The following ERP44 variants were observed in gnomAD, a reference collection of about 807,000 sequenced individuals.
ERP44 encodes the protein endoplasmic reticulum protein 44.
In ERP44, 25 loss-of-function variants were observed where a neutral mutation model predicts 53.4. The ratio of observed to expected loss-of-function variants is 0.47; its 90% CI spans 0.34 to 0.65. The LOEUF (loss-of-function observed/expected upper bound fraction) is 0.65. Among genes scored for constraint, ERP44 ranks in the 30% least tolerant of loss-of-function variants. The pLI is 0.01. For missense variants in ERP44, 338 were observed against 493.2 expected (o/e 0.69, Z 2.98); for synonymous variants, 145 against 161.2 (o/e 0.90, Z 0.76).
At chr9:99,982,740 T>A (rs759253795) in intron 11 of ERP44, 27 bp from the exon 12 acceptor site, 40 of 1,405,690 alleles carry the variant, frequency 2.8e-5, no homozygotes, top group Non-Finnish European at 3.6e-5. Flanking sequence ...AAAACATTTT[T>A]ATACCAATAT....
In ERP44 at chr9:100,006,628, A is replaced by C; in HGVS notation, c.894T>G (p.His298Gln). 6.3e-7 allele frequency: 1 copy of C among 1,599,362 alleles called. No individual in the cohort carries two copies. Among genetic ancestry groups the C allele is most frequent in the Non-Finnish European group, 8.5e-7 (1 of 1,175,448 alleles). The stretch of plus-strand genomic sequence containing the variant: ...GATGTCTAAATTTGTCACAATCGGC[A>C]TGTAAAAAGTTTATTGTACCTTTAA... ...ISEKGTINFL[H>Q]ADCDKFRHPL... is the part of the protein sequence containing the mutation. Residue 298 changes from histidine (H) to glutamine (Q), a missense_variant, in exon 10 of 12, where the codon CAT becomes CAG. Physicochemically the swap from His to Gln is conservative, Grantham distance 24. Transcript: ENST00000262455.
At chr9:99,996,899 ATATATATACATATATATATATATG>A (rs1409552229) in intron 10 of ERP44, among the ~76,000 whole-genome samples, 1 of 19,022 alleles carries the variant, frequency 5.3e-5, no homozygotes, top group African/African-American at 6.0e-4. Context: ...GTGTATGTGT[ATATATATACATATATATATATATG>A]TATATATATA....
chr9:100,066,854 A>G (rs1190162202), intron 1 of ERP44, among the ~76,000 whole-genome samples: 1 of 152,192 alleles, frequency 6.6e-6, no homozygotes, highest in Non-Finnish European at 1.5e-5. Flanking sequence ...CAGGAACTAT[A>G]AGGGCCTTGA....
At chr9:100,073,731 A>C (rs911729766) in intron 1 of ERP44, among the ~76,000 whole-genome samples, 2 of 152,230 alleles carry the variant, frequency 1.3e-5, no homozygotes, top group Admixed American at 1.3e-4. Flanking sequence ...GTGAGACTAC[A>C]TATACTAACC....
rs1405448067 is a variant in ERP44 at position 100,011,783 on chromosome 9, A to AT, written c.763-4095dup. 2.0e-5 allele frequency among the ~76,000 whole-genome samples: 3 copies of AT among 152,334 alleles called. No homozygotes were observed. The East Asian group carries it at 5.8e-4, about 29-fold the overall frequency. ...ATAACACTGAAAAAAGCAACAGAACATTACTGAATAAAAAAATACTCTGGT... is the reference window on the plus strand; with the variant it reads ...ATAACACTGAAAAAAGCAACAGAACATTTACTGAATAAAAAAATACTCTGGT... On this transcript the variant is annotated intron_variant, in intron 8 of 11. Transcript: ENST00000262455.
rs1174626036 is a variant in ERP44 at position 99,981,547 on chromosome 9, A to C, written c.*1065T>G. 1 of 152,618 alleles carries C rather than the reference A, an allele frequency of 6.6e-6. No homozygotes were observed. Among genetic ancestry groups the C allele is most frequent in the Admixed American group, 6.5e-5 (1 of 15,280 alleles). The allele number at this position is 152,618 out of a possible 1,614,324, so 9.5% of individuals were successfully genotyped here. ...CTGGCACTGGGCTTCCTGATATGAC[A>C]CTGAGGGTCCTCTCCCTCTGGTTTT... is the stretch of plus-strand genomic sequence containing the variant. On this transcript the variant is annotated 3_prime_UTR_variant, in exon 12 of 12. Coordinates refer to ENST00000262455, the MANE Select transcript of ERP44 (RefSeq NM_015051.3).
chr9:100,064,600 TCC>T (rs1211491345), intron 1 of ERP44, among the ~76,000 whole-genome samples: 1 of 152,150 alleles, frequency 6.6e-6, no homozygotes, highest in Non-Finnish European at 1.5e-5. Context: ...AACAGTTGGT[TCC>T]CCCAGCTGTT....
At chr9:100,081,751 C>T (rs1564105509) in intron 1 of ERP44, among the ~76,000 whole-genome samples, 1 of 152,028 alleles carries the variant, frequency 6.6e-6, no homozygotes. Flanking sequence ...AAATTTAGAA[C>T]AAGACAGGAA....
At position 100,098,899 on chromosome 9, in the gene ERP44, G is replaced by A. The variant is rs1233139287; in HGVS notation, c.-59C>T. 6.8e-7 allele frequency: 1 copy of A among 1,472,044 alleles called. No individual in the cohort carries two copies. The highest frequency in any genetic ancestry group is 9.5e-7 in the Non-Finnish European group (1 of 1,053,534). 91.2% of individuals were successfully genotyped at this position (1,472,044 alleles called of 1,614,324 possible). On this transcript the variant is annotated 5_prime_UTR_variant, in exon 1 of 12. Coordinates refer to ENST00000262455, the MANE Select transcript of ERP44 (RefSeq NM_015051.3). ...TGGCGGCTGGGACTGGGCTAGGTTG[G>A]GTTGGGTTAGGAAAGGGCTGGGCTC...
chr9:100,060,265 G>T, intron 1 of ERP44, 93 bp from the exon 2 acceptor site: 1 of 1,232,120 alleles, frequency 8.1e-7, no homozygotes, highest in Non-Finnish European at 1.0e-6. Flanking sequence ...GATTCCACTT[G>T]TTCCTTAGAA....
chr9:100,034,979 C>T (rs534590649), intron 4 of ERP44, among the ~76,000 whole-genome samples: 2 of 152,264 alleles, frequency 1.3e-5, no homozygotes, highest in Non-Finnish European at 2.9e-5. Flanking sequence ...TGGAAGAAGA[C>T]TCTCTATTCA....
intron 4 of ERP44, among the ~76,000 whole-genome samples, chr9:100,039,758 A>C (rs1338830829): frequency 6.6e-6 from 1 of 152,068 alleles, no homozygotes; most frequent in Non-Finnish European, 1.5e-5. Context: ...TAAGTTTTAC[A>C]AAATTGACAA....
chr9:100,076,916 G>A (rs554428219), intron 1 of ERP44, among the ~76,000 whole-genome samples: 7 of 152,320 alleles, frequency 4.6e-5, no homozygotes, highest in African/African-American at 1.7e-4. Context: ...AGGGATGGAG[G>A]TTACCCATGG....
At chr9:100,086,311 T>C (rs1529194) in intron 1 of ERP44, among the ~76,000 whole-genome samples, 1,977 of 152,328 alleles carry the variant, frequency 0.013, 34 homozygotes, top group African/African-American at 0.046. Context: ...TAAGGCTATG[T>C]CATAACTTAC....
intron 9 of ERP44, among the ~76,000 whole-genome samples, chr9:100,006,859 T>C (rs1830429645): frequency 6.6e-6 from 1 of 152,200 alleles, no homozygotes; most frequent in South Asian, 2.1e-4. Context: ...TCTTTAGAAA[T>C]CATATTGACT....
At chr9:100,013,135 G>C (rs1327980301) in intron 8 of ERP44, among the ~76,000 whole-genome samples, 2 of 152,156 alleles carry the variant, frequency 1.3e-5, no homozygotes, top group Non-Finnish European at 2.9e-5. Flanking sequence ...GAAGCCTCTG[G>C]AAAGATTCAG....
intron 10 of ERP44, among the ~76,000 whole-genome samples, chr9:99,991,170 T>C (rs1412183815): frequency 1.3e-5 from 2 of 152,172 alleles, no homozygotes; most frequent in African/African-American, 4.8e-5. Flanking sequence ...GCTGACCTAA[T>C]AGACATCTAC....
intron 1 of ERP44, among the ~76,000 whole-genome samples, chr9:100,079,406 TCC>T (rs1826395512): frequency 8.2e-6 from 1 of 122,116 alleles, no homozygotes; most frequent in Non-Finnish European, 1.7e-5. Context: ...CTTAATAAAC[TCC>T]CCTTTACACA....
At chr9:100,068,593 G>A (rs1202916998) in intron 1 of ERP44, among the ~76,000 whole-genome samples, 37 of 128,602 alleles carry the variant, frequency 2.9e-4, no homozygotes, top group Non-Finnish European at 3.8e-4. Context: ...CAGCCCGGCC[G>A]GCTGCCCCGT....
Sources: allele counts gnomAD v4.1 joint callset (sites outside exome capture counted in the v4.1 genomes callset), GRCh38; gene constraint gnomAD v4.1.1; transcripts MANE v1.5; gene names NCBI Gene and HGNC (gene_info 2026-07-23, HGNC 2026-07-21).